Variants in CTPS2 observed in about 807,000 individuals in gnomAD.
The protein encoded by CTPS2 is CTP synthase 2, also known as CTP synthase II.
CTPS2 carries 19 observed loss-of-function variants against 46.8 expected under a neutral mutation model. The observed-to-expected ratio is 0.41, with a 90% CI of 0.28 to 0.60. The LOEUF (loss-of-function observed/expected upper bound fraction) is 0.60, where lower values mean the gene tolerates loss of function less well. Among genes scored for constraint, CTPS2 ranks in the 20% least tolerant of loss-of-function variants. CTPS2 has a pLI of 0.35. For missense variants in CTPS2, 286 were observed against 447.6 expected (o/e 0.64, Z 3.26); for synonymous variants, 151 against 165.2 (o/e 0.91, Z 0.66).
chrX:16,600,555 G>A (rs1929595924), intron 17 of CTPS2, among the ~76,000 whole-genome samples: 1 of 111,203 alleles, frequency 9.0e-6, no homozygotes, highest in Non-Finnish European at 1.9e-5. Context: ...ACCCAGGCAG[G>A]GTGGTAAAAG....
intron 10 of CTPS2, among the ~76,000 whole-genome samples, chrX:16,675,780 T>A (rs1922219240): frequency 8.9e-6 from 1 of 111,893 alleles, no homozygotes; most frequent in South Asian, 3.7e-4. Flanking sequence ...ACTTTGGAGA[T>A]TGTGACAGCA....
intron 1 of CTPS2, among the ~76,000 whole-genome samples, chrX:16,710,197 C>T (rs954361026): frequency 8.9e-6 from 1 of 112,101 alleles, no homozygotes; most frequent in Non-Finnish European, 1.9e-5. Context: ...GGTCCTACCC[C>T]ATACTGGGGA....
chrX:16,684,524 A>AC (rs1267824886), intron 8 of CTPS2, among the ~76,000 whole-genome samples: 5 of 105,015 alleles, frequency 4.8e-5, no homozygotes, highest in Non-Finnish European at 7.8e-5. Flanking sequence ...AAAAAAAAAA[A>AC]AAAACAAAAA....
chrX:16,609,126 TA>T (rs1458492627), intron 17 of CTPS2, among the ~76,000 whole-genome samples: 1 of 111,601 alleles, frequency 9.0e-6, no homozygotes, highest in East Asian at 2.8e-4. Flanking sequence ...ATTTGCAGCC[TA>T]ACAAAGGATT....
intron 13 of CTPS2, chrX:16,651,072 T>C (rs757919379): frequency 8.3e-7 from 1 of 1,206,858 alleles, no homozygotes; most frequent in East Asian, 3.0e-5. Flanking sequence ...CCAAAGAAGG[T>C]GATCCAGACC....
intron 16 of CTPS2, among the ~76,000 whole-genome samples, chrX:16,611,064 G>A (rs1930232826): frequency 8.9e-6 from 1 of 111,814 alleles, no homozygotes; most frequent in African/African-American, 3.3e-5. Context: ...GAGTGCAAGA[G>A]TTGAAAAACT....
chrX:16,639,304 A>G, intron 13 of CTPS2, 61 bp from the exon 14 acceptor site: 1 of 844,511 alleles, frequency 1.2e-6, no homozygotes, highest in Non-Finnish European at 1.8e-6. Flanking sequence ...CCCAAATTTC[A>G]AGCTTTACGT....
At chrX:16,600,736 C>G (rs1929606301) in intron 17 of CTPS2, among the ~76,000 whole-genome samples, 1 of 112,292 alleles carries the variant, frequency 8.9e-6, no homozygotes, top group Non-Finnish European at 1.9e-5. Flanking sequence ...TAAAAAATAT[C>G]TCAAGGTATG....
rs780201166 is a variant in CTPS2 at position 16,589,003 on chromosome X, C to T, written c.*814G>A. On this transcript the variant is annotated 3_prime_UTR_variant, in exon 19 of 19. Coordinates refer to ENST00000359276, the MANE Select transcript of CTPS2 (RefSeq NM_175859.3). ...CCAGAAATCACAGTCAAAATGCAGT[C>T]GAAACTTTGTTTCATGCACAAAATT... is the stretch of plus-strand genomic sequence containing the variant. The T allele has an allele frequency of 5.4e-5, 6 of 111,988 alleles. No individual in the cohort carries two copies. The Admixed American group carries it at 5.7e-4, about 11-fold the overall frequency. 9.2% of individuals were successfully genotyped at this position (111,988 alleles called of 1,213,427 possible).
intron 1 of CTPS2, among the ~76,000 whole-genome samples, chrX:16,707,336 G>A (rs920377059): frequency 1.8e-5 from 2 of 111,423 alleles, no homozygotes; most frequent in African/African-American, 6.5e-5. Context: ...AGGCAAATGG[G>A]CAACTGAGTA....
At chrX:16,674,252 C>G (rs1473841220) in intron 10 of CTPS2, among the ~76,000 whole-genome samples, 1 of 110,946 alleles carries the variant, frequency 9.0e-6, no homozygotes, top group Non-Finnish European at 1.9e-5. Context: ...CAACCTTCAC[C>G]TCGTGGGTTC....
intron 13 of CTPS2, among the ~76,000 whole-genome samples, chrX:16,660,285 G>A (rs1217700062): frequency 9.1e-6 from 1 of 110,226 alleles, no homozygotes; most frequent in African/African-American, 3.3e-5. Flanking sequence ...GCATGATCAT[G>A]GCTCACTGTA....
chrX:16,684,527 A>C (rs1226085596), intron 8 of CTPS2, among the ~76,000 whole-genome samples: 2 of 108,729 alleles, frequency 1.8e-5, no homozygotes, highest in Non-Finnish European at 3.8e-5. Flanking sequence ...AAAAAAAAAA[A>C]ACAAAAACAA....
At chrX:16,593,811 A>G (rs760629011) in intron 17 of CTPS2, among the ~76,000 whole-genome samples, 4 of 110,425 alleles carry the variant, frequency 3.6e-5, no homozygotes, top group African/African-American at 1.3e-4. Flanking sequence ...AAGTAGAAAG[A>G]TACCTCCTAC....
chrX:16,685,083 T>G (rs972910805), intron 8 of CTPS2, among the ~76,000 whole-genome samples: 1 of 110,612 alleles, frequency 9.0e-6, no homozygotes, highest in Non-Finnish European at 1.9e-5. Flanking sequence ...AGAGCCAGAC[T>G]TCTTCTCCAA....
intron 12 of CTPS2, 47 bp downstream of exon 12, chrX:16,667,615 A>G: frequency 8.3e-7 from 1 of 1,204,487 alleles, no homozygotes; most frequent in Non-Finnish European, 1.1e-6. Flanking sequence ...ATATTTGAAG[A>G]GAGAAAATTT....
intron 13 of CTPS2, among the ~76,000 whole-genome samples, chrX:16,642,605 C>T (rs1369910279): frequency 9.0e-6 from 1 of 111,722 alleles, no homozygotes; most frequent in Non-Finnish European, 1.9e-5. Context: ...AAGCCTGACA[C>T]ACCAGCTGCC....
intron 8 of CTPS2, among the ~76,000 whole-genome samples, chrX:16,685,845 C>A (rs769985499): frequency 1.1e-5 from 1 of 88,497 alleles, no homozygotes. Context: ...CCAGCCTGGG[C>A]GACACAGCGA....
At chrX:16,661,196 G>A (rs1274775886) in intron 13 of CTPS2, among the ~76,000 whole-genome samples, 1 of 111,433 alleles carries the variant, frequency 9.0e-6, no homozygotes, top group Non-Finnish European at 1.9e-5. Flanking sequence ...CTGACCTCAG[G>A]CGATCCACCG....
Sources: gnomAD v4.1 joint callset for allele counts (sites outside exome capture counted in the v4.1 genomes callset) on GRCh38, gnomAD v4.1.1 for gene constraint, MANE v1.5 for transcripts, NCBI Gene and HGNC (gene_info 2026-07-23, HGNC 2026-07-21) for gene names.